Variants in MS4A14 observed in about 807,000 individuals in gnomAD.
MS4A14 encodes the protein membrane-spanning 4-domains subfamily A member 14.
A neutral mutation model predicts 16.7 loss-of-function variants in MS4A14; 18 were observed. The ratio of observed to expected loss-of-function variants is 1.08; its 90% CI spans 0.75 to 1.60. The LOEUF is 1.60. Among genes scored for constraint, MS4A14 ranks in the 40% most tolerant of loss-of-function variants. The probability of loss-of-function intolerance (pLI) is 0.00; values close to 1 mark genes in which losing one functional copy is unlikely to be tolerated. For synonymous variants in MS4A14, 305 were observed against 289.4 expected, an observed-to-expected ratio of 1.05 and a Z score of -0.55; for missense variants, 812 against 775.3, an observed-to-expected ratio of 1.05 and a Z score of -0.56.
intron 2 of MS4A14, among the ~76,000 whole-genome samples, chr11:60,398,449 T>C (rs192343855): frequency 3.2e-4 from 49 of 152,334 alleles, no homozygotes; most frequent in Non-Finnish European, 2.1e-4. Context: ...TAGATAATCA[T>C]ATAGCCATAA....
At chr11:60,405,711 T>C (rs1462561902) in intron 4 of MS4A14, among the ~76,000 whole-genome samples, 1 of 152,176 alleles carries the variant, frequency 6.6e-6, no homozygotes, top group African/African-American at 2.4e-5. Flanking sequence ...TGGAGTTTGT[T>C]ATCCCTGCCT....
chr11:60,410,833 T>G (rs117531239), intron 4 of MS4A14, among the ~76,000 whole-genome samples: 98,324 of 144,120 alleles, frequency 0.68, 32,185 homozygotes, highest in Middle Eastern at 0.73. Context: ...TTTTTTGGGT[T>G]TTTTTTTTTG....
intron 4 of MS4A14, chr11:60,404,766 C>T (rs2085763276): frequency 1.2e-5 from 4 of 343,762 alleles, no homozygotes. Flanking sequence ...CTCATATCTG[C>T]ATAGATCCCC....
At chr11:60,398,198 T>C in intron 2 of MS4A14, 1 of 417,078 alleles carries the variant, frequency 2.4e-6, no homozygotes, top group East Asian at 4.8e-5. Flanking sequence ...TCCAAAGCCC[T>C]TGTGTGTATA....
At chr11:60,412,032 C>T (rs902146250) in intron 4 of MS4A14, among the ~76,000 whole-genome samples, 1 of 151,898 alleles carries the variant, frequency 6.6e-6, no homozygotes, top group Non-Finnish European at 1.5e-5. Flanking sequence ...GGGGGTTTTC[C>T]AACATTATAT....
At chr11:60,406,013 A>T (rs1185188938) in intron 4 of MS4A14, 16 of 1,384,304 alleles carry the variant, frequency 1.2e-5, no homozygotes, top group Non-Finnish European at 1.5e-5. Flanking sequence ...TCTTAATATT[A>T]TTAAGAGAAC....
chr11:60,415,850 G>T lies in MS4A14; in HGVS notation c.882G>T (p.Leu294=). 3 of 1,613,802 alleles carry T rather than the reference G, an allele frequency of 1.9e-6. No homozygotes were observed. The highest frequency in any genetic ancestry group is 2.5e-6 in the Non-Finnish European group (3 of 1,179,902). Reference sequence around the variant, plus strand: ...CTTCTCAAATGCAAACCAAGCTTCTGCAGGACCAAGCTGCGTCACTCCAAG... The same window carrying T: ...CTTCTCAAATGCAAACCAAGCTTCTTCAGGACCAAGCTGCGTCACTCCAAG... ...VQPSQMQTKL[L]QDQAASLQVF... Residue 294 remains leucine (L), a synonymous_variant, in exon 5 of 5, where the codon CTG becomes CTT. Transcript: ENST00000300187.
intron 4 of MS4A14, among the ~76,000 whole-genome samples, chr11:60,411,383 T>A (rs1007644544): frequency 5.3e-5 from 8 of 152,216 alleles, no homozygotes; most frequent in African/African-American, 1.9e-4. Flanking sequence ...CAATTTTAAA[T>A]CTTCTTATAC....
intron 4 of MS4A14, among the ~76,000 whole-genome samples, chr11:60,407,473 C>T (rs1323491298): frequency 1.3e-5 from 2 of 152,076 alleles, no homozygotes; most frequent in Non-Finnish European, 2.9e-5. Flanking sequence ...CGTATGGTAA[C>T]CAGATGTTTA....
chr11:60,405,748 G>A (rs1324426993), intron 4 of MS4A14: 14 of 563,268 alleles, frequency 2.5e-5, no homozygotes, highest in Non-Finnish European at 4.0e-5. Flanking sequence ...GATGAAAATT[G>A]TGCAGTGTCT....
chr11:60,400,206 T>A (rs111504859), intron 2 of MS4A14, among the ~76,000 whole-genome samples, 198 bp from the exon 3 acceptor site: 1 of 152,156 alleles, frequency 6.6e-6, no homozygotes, highest in East Asian at 1.9e-4. Context: ...AGAGCGCTTG[T>A]TCAGTGCTGA....
chr11:60,410,360 T>C (rs1211850748), intron 4 of MS4A14, among the ~76,000 whole-genome samples: 1 of 152,232 alleles, frequency 6.6e-6, no homozygotes, highest in African/African-American at 2.4e-5. Flanking sequence ...TCTTAGTCCC[T>C]CAGTAGACAT....
At chr11:60,399,999 A>G (rs2085686912) in intron 2 of MS4A14, among the ~76,000 whole-genome samples, 1 of 152,154 alleles carries the variant, frequency 6.6e-6, no homozygotes, top group Non-Finnish European at 1.5e-5. Flanking sequence ...TAACTACACT[A>G]GATATCAGTC....
chr11:60,404,283 T>A (rs897491676), intron 4 of MS4A14, among the ~76,000 whole-genome samples: 5 of 152,216 alleles, frequency 3.3e-5, no homozygotes, highest in African/African-American at 1.2e-4. Context: ...CTCACTTACA[T>A]AACTTAACAA....
chr11:60,415,310 T>A, intron 4 of MS4A14, 127 bp from the exon 5 acceptor site: 2 of 985,688 alleles, frequency 2.0e-6, no homozygotes, highest in Non-Finnish European at 2.9e-6. Flanking sequence ...ATTCGTTTTC[T>A]GCCTTCTCAT....
intron 4 of MS4A14, among the ~76,000 whole-genome samples, chr11:60,404,121 T>G (rs2085753676): frequency 6.6e-6 from 1 of 152,244 alleles, no homozygotes. Flanking sequence ...CAACTACTGT[T>G]TGTTATGTTC....
At chr11:60,404,821 T>C (rs1043523656) in intron 4 of MS4A14, among the ~76,000 whole-genome samples, 2 of 152,344 alleles carry the variant, frequency 1.3e-5, no homozygotes, top group African/African-American at 4.8e-5. Context: ...ACAGCATTTA[T>C]CACAATTTAG....
chr11:60,415,865 G>A lies in MS4A14; in HGVS notation c.897G>A (p.Ala299=), dbSNP rs369608879. 335 of 1,613,826 alleles carry A rather than the reference G, an allele frequency of 2.1e-4. 3 individuals carry two copies. The South Asian group carries it at 2.7e-3, about 13-fold the overall frequency. Reference sequence around the variant, plus strand: ...CCAAGCTTCTGCAGGACCAAGCTGCGTCACTCCAAGTTTTTCCATCCCATT... The same window carrying A: ...CCAAGCTTCTGCAGGACCAAGCTGCATCACTCCAAGTTTTTCCATCCCATT... ...MQTKLLQDQA[A]SLQVFPSHSA... is the part of the protein sequence containing the mutation. The change falls in exon 5 of 5, where the codon GCG becomes GCA. Residue 299 remains alanine (A), a synonymous_variant. Coordinates refer to ENST00000300187, the MANE Select transcript of MS4A14 (RefSeq NM_032597.5).
intron 4 of MS4A14, among the ~76,000 whole-genome samples, chr11:60,408,684 T>C (rs2085823952): frequency 6.6e-6 from 1 of 152,214 alleles, no homozygotes; most frequent in African/African-American, 2.4e-5. Flanking sequence ...GTATATACCA[T>C]ATTTTGCTTA....
Sources: gnomAD v4.1 joint callset for allele counts (sites outside exome capture counted in the v4.1 genomes callset) on GRCh38, gnomAD v4.1.1 for gene constraint, MANE v1.5 for transcripts, NCBI Gene and HGNC (gene_info 2026-07-23, HGNC 2026-07-21) for gene names.